Variants in RANBP17 observed in about 807,000 individuals in gnomAD.
RANBP17 encodes ran-binding protein 17.
In RANBP17, 158 loss-of-function variants were observed where a neutral mutation model predicts 141.2. The observed-to-expected ratio is 1.12, with a 90% confidence interval of 0.98 to 1.28. RANBP17 has a LOEUF of 1.28. RANBP17 is among the 50% of genes most tolerant of loss of function. The pLI, the probability that RANBP17 is intolerant of heterozygous loss-of-function variation, is 0.00. For missense variants in RANBP17, 1,438 were observed against 1,290.7 expected (o/e 1.11, Z -1.75); for synonymous variants, 430 against 450.0 (o/e 0.96, Z 0.56).
intron 14 of RANBP17, among the ~76,000 whole-genome samples, chr5:171,088,055 A>C (rs1333278129): frequency 3.3e-4 from 50 of 150,182 alleles, no homozygotes; most frequent in Non-Finnish European, 6.1e-4. Context: ...GTTTCTTCCT[A>C]GTCTCGATGG....
chr5:170,977,402 G>A (rs558215700), intron 14 of RANBP17, among the ~76,000 whole-genome samples: 2 of 152,116 alleles, frequency 1.3e-5, no homozygotes, highest in South Asian at 2.1e-4. Flanking sequence ...TGCAAGGAAC[G>A]TAAAATATTG....
intron 16 of RANBP17, among the ~76,000 whole-genome samples, chr5:171,182,387 C>G (rs1760916485): frequency 6.6e-6 from 1 of 152,140 alleles, no homozygotes; most frequent in Non-Finnish European, 1.5e-5. Context: ...TAACTTTATG[C>G]TCCTTCTAAG....
rs145882855 is a variant in RANBP17 at position 170,918,718 on chromosome 5, G to A, written c.960G>A (p.Leu320=). Residue 320 remains leucine (L), a synonymous_variant, in exon 10 of 28, where the codon TTG becomes TTA. Coordinates refer to ENST00000523189, the MANE Select transcript of RANBP17 (RefSeq NM_022897.5). ...VKRILENPQG[L]SDPGNYHEFC... ...CTTTTTGTCTCATAATTTAGGGTTT[G>A]TCTGATCCAGGTAATTATCATGAAT... The A allele has an allele frequency of 1.9e-6, 3 of 1,601,370 alleles. No individual in the cohort carries two copies. The highest frequency in any genetic ancestry group is 2.7e-5 in the African/African-American group (2 of 74,230).
At chr5:171,277,637 G>A (rs62392998) in intron 25 of RANBP17, among the ~76,000 whole-genome samples, 3 of 56,914 alleles carry the variant, frequency 5.3e-5, no homozygotes, top group Non-Finnish European at 6.7e-5. Flanking sequence ...ATATATGTAT[G>A]TATATATATA....
At chr5:170,899,114 A>G (rs1175145772) in intron 5 of RANBP17, among the ~76,000 whole-genome samples, 2 of 152,216 alleles carry the variant, frequency 1.3e-5, no homozygotes, top group East Asian at 3.8e-4. Context: ...TTTGGGCAAT[A>G]TGGCCATTTT....
intron 14 of RANBP17, among the ~76,000 whole-genome samples, chr5:171,036,360 T>C (rs1224035662): frequency 6.6e-6 from 1 of 152,120 alleles, no homozygotes; most frequent in Non-Finnish European, 1.5e-5. Context: ...GAGGTCACAA[T>C]TTCCTTCTTT....
At chr5:171,283,119 A>C (rs1466131055) in intron 25 of RANBP17, among the ~76,000 whole-genome samples, 1 of 152,140 alleles carries the variant, frequency 6.6e-6, no homozygotes, top group Non-Finnish European at 1.5e-5. Flanking sequence ...CACCTTCTCT[A>C]TGAAGCCATC....
chr5:170,948,001 G>A (rs1037299356), intron 12 of RANBP17, among the ~76,000 whole-genome samples: 18 of 152,128 alleles, frequency 1.2e-4, no homozygotes, highest in African/African-American at 3.9e-4. Context: ...TACATACATG[G>A]AAGGAATTGG....
intron 14 of RANBP17, among the ~76,000 whole-genome samples, chr5:171,054,326 T>C (rs373171209): frequency 4.6e-5 from 7 of 152,278 alleles, no homozygotes; most frequent in Non-Finnish European, 7.4e-5. Context: ...ATTACACTTA[T>C]AGTTATTTCT....
At chr5:171,199,955 T>C (rs2127953893) in intron 19 of RANBP17, among the ~76,000 whole-genome samples, 182 bp downstream of exon 19, 1 of 152,342 alleles carries the variant, frequency 6.6e-6, no homozygotes, top group East Asian at 1.9e-4. Context: ...AAATGGACTT[T>C]GAGGTCAGCA....
intron 14 of RANBP17, among the ~76,000 whole-genome samples, chr5:170,996,775 T>A (rs918631499): frequency 1.3e-5 from 2 of 152,216 alleles, no homozygotes; most frequent in Admixed American, 6.5e-5. Context: ...ATGAAAGGGA[T>A]GAACATTTCT....
chr5:170,950,388 CAAAA>C (rs779896311), intron 12 of RANBP17, among the ~76,000 whole-genome samples: 1 of 145,464 alleles, frequency 6.9e-6, no homozygotes, highest in Non-Finnish European at 1.5e-5. Context: ...AAAACAAAAA[CAAAA>C]AAAAAATAAC....
At chr5:171,097,506 T>C (rs77804648) in intron 14 of RANBP17, among the ~76,000 whole-genome samples, 1 of 151,892 alleles carries the variant, frequency 6.6e-6, no homozygotes, top group African/African-American at 2.4e-5. Context: ...CTGTAAATTA[T>C]TGTCCTCATT....
At chr5:171,231,010 C>G (rs781467912) in intron 22 of RANBP17, among the ~76,000 whole-genome samples, 1 of 151,516 alleles carries the variant, frequency 6.6e-6, no homozygotes, top group Non-Finnish European at 1.5e-5. Flanking sequence ...GATCATAATT[C>G]ACTGAACCCT....
intron 24 of RANBP17, among the ~76,000 whole-genome samples, chr5:171,263,329 G>A (rs1431838778): frequency 6.6e-6 from 1 of 152,000 alleles, no homozygotes; most frequent in Non-Finnish European, 1.5e-5. Context: ...AAACTCCCAG[G>A]GATCATGTGC....
chr5:171,074,041 C>A (rs540624570), intron 14 of RANBP17, among the ~76,000 whole-genome samples: 6 of 152,000 alleles, frequency 3.9e-5, no homozygotes, highest in Middle Eastern at 6.8e-3. Context: ...TTTCTCTCTC[C>A]TTGTGGACTG....
chr5:171,014,696 A>G (rs1252964444), intron 14 of RANBP17, among the ~76,000 whole-genome samples: 1 of 152,006 alleles, frequency 6.6e-6, no homozygotes, highest in African/African-American at 2.4e-5. Context: ...TATCTTCTGA[A>G]GAGATTTAAA....
intron 14 of RANBP17, among the ~76,000 whole-genome samples, chr5:171,043,168 A>T (rs2127638481): frequency 6.6e-6 from 1 of 152,340 alleles, no homozygotes; most frequent in South Asian, 2.1e-4. Flanking sequence ...TGAGACAAAT[A>T]TGTAAAATGA....
intron 14 of RANBP17, among the ~76,000 whole-genome samples, chr5:171,124,218 A>G (rs1183468319): frequency 6.6e-6 from 1 of 152,098 alleles, no homozygotes; most frequent in Non-Finnish European, 1.5e-5. Context: ...AAAAAAATGC[A>G]GTCAAGAGCT....
Sources: gnomAD v4.1 joint callset for allele counts (sites outside exome capture counted in the v4.1 genomes callset) on GRCh38, gnomAD v4.1.1 for gene constraint, MANE v1.5 for transcripts, NCBI Gene and HGNC (gene_info 2026-07-23, HGNC 2026-07-21) for gene names.